Variants in ACAP2 observed in about 807,000 individuals in gnomAD.
ACAP2 encodes the protein ArfGAP with coiled-coil, ankyrin repeat and PH domains 2.
A neutral mutation model predicts 115.8 loss-of-function variants in ACAP2; 39 were observed. That is an observed-to-expected ratio of 0.34 (90% confidence interval 0.26 to 0.44). The LOEUF is 0.44. Ranked by LOEUF, ACAP2 falls within the 20% of genes least tolerant of loss-of-function variation. The probability of loss-of-function intolerance (pLI) is 1.00; values close to 1 mark genes in which losing one functional copy is unlikely to be tolerated. For synonymous variants in ACAP2, 289 were observed against 315.8 expected (o/e 0.92, Z 0.90); for missense variants, 662 against 927.6 (o/e 0.71, Z 3.72).
chr3:195,356,258 A>G, intron 4 of ACAP2: 2 of 452,176 alleles, frequency 4.4e-6, no homozygotes, highest in South Asian at 1.6e-5. Flanking sequence ...GGCAGAACTC[A>G]GCCAATGCCA....
chr3:195,383,481 A>G (rs1734082788), intron 2 of ACAP2, among the ~76,000 whole-genome samples: 1 of 152,132 alleles, frequency 6.6e-6, no homozygotes, highest in Non-Finnish European at 1.5e-5. Flanking sequence ...GGATAAAAAA[A>G]GAAATTAAAT....
intron 1 of ACAP2, among the ~76,000 whole-genome samples, chr3:195,420,699 G>A (rs1055877473): frequency 1.3e-5 from 2 of 151,936 alleles, no homozygotes; most frequent in Non-Finnish European, 2.9e-5. Context: ...CTGGAGTGCA[G>A]TGGCGCCATC....
At chr3:195,405,984 A>G (rs149443209) in intron 1 of ACAP2, among the ~76,000 whole-genome samples, 1 of 152,288 alleles carries the variant, frequency 6.6e-6, no homozygotes, top group Non-Finnish European at 1.5e-5. Flanking sequence ...CCATGATCCA[A>G]TCACCCCCAC....
chr3:195,315,852 C>A (rs1226146322), intron 10 of ACAP2, among the ~76,000 whole-genome samples: 1 of 152,114 alleles, frequency 6.6e-6, no homozygotes, highest in African/African-American at 2.4e-5. Context: ...ATTTTAATAT[C>A]TATGCCAATG....
At chr3:195,365,437 T>C (rs1431569023) in intron 4 of ACAP2, among the ~76,000 whole-genome samples, 1 of 152,182 alleles carries the variant, frequency 6.6e-6, no homozygotes, top group Admixed American at 6.5e-5. Context: ...TTGCTAATAT[T>C]GTTTTAAAGA....
At position 195,303,799 on chromosome 3, in the gene ACAP2, C is replaced by T. The variant is rs1256592863; in HGVS notation, c.1117-1625G>A. Among the ~76,000 whole-genome samples, 5 of 151,944 alleles carry T rather than the reference C, an allele frequency of 3.3e-5. 1 individual carries two copies. Among genetic ancestry groups the T allele is most frequent in the South Asian group, 4.1e-4 (2 of 4,820 alleles). Reference sequence around the variant, plus strand: ...CATCCTGCTACATGGCCATAATGACCGAATACAAAGATGTGGTACTTAGAT... The same window carrying T: ...CATCCTGCTACATGGCCATAATGACTGAATACAAAGATGTGGTACTTAGAT... On this transcript the variant is annotated intron_variant, in intron 13 of 22. Coordinates refer to ENST00000326793, the MANE Select transcript of ACAP2 (RefSeq NM_012287.6).
intron 4 of ACAP2, among the ~76,000 whole-genome samples, chr3:195,378,289 G>A (rs1733703624): frequency 2.0e-5 from 3 of 151,636 alleles, no homozygotes; most frequent in South Asian, 2.1e-4. Context: ...TCAAGAGATC[G>A]AGACCATCCT....
chr3:195,279,449 A>G, intron 22 of ACAP2, 21 bp from the exon 23 acceptor site: 1 of 1,431,150 alleles, frequency 7.0e-7, no homozygotes, highest in Non-Finnish European at 9.6e-7. Flanking sequence ...TAAAATAAAG[A>G]CACTTTAAAC....
At chr3:195,382,055 A>G (rs1281646046) in intron 2 of ACAP2, 33 bp from the exon 3 acceptor site, 2 of 1,591,714 alleles carry the variant, frequency 1.3e-6, no homozygotes, top group South Asian at 2.3e-5. Context: ...ATCAGGTTGA[A>G]GATAGTTTTA....
At position 195,427,077 on chromosome 3, in the gene ACAP2, C is replaced by T. The variant is rs544445734; in HGVS notation, c.53+15718G>A. ...CTGGAATGTCAGCCCAACATTATCA[C>T]AAGGGTCCTTATCAGTAAAAGAGGA... On this transcript the variant is annotated intron_variant, in intron 1 of 22. Coordinates refer to ENST00000326793, the MANE Select transcript of ACAP2 (RefSeq NM_012287.6). Among the ~76,000 whole-genome samples, 43 of 152,180 alleles carry T rather than the reference C, an allele frequency of 2.8e-4. 1 individual carries two copies. The highest frequency in any genetic ancestry group is 1.0e-3 in the African/African-American group (43 of 41,522).
chr3:195,437,679 G>A (rs1715648542), intron 1 of ACAP2, among the ~76,000 whole-genome samples: 1 of 151,696 alleles, frequency 6.6e-6, no homozygotes, highest in Non-Finnish European at 1.5e-5. Context: ...GCCAGGTGTG[G>A]TGGCAGGCGC....
At chr3:195,377,136 A>ATTTTTTTTTTTTTT (rs1478091442) in intron 4 of ACAP2, among the ~76,000 whole-genome samples, 12 of 89,706 alleles carry the variant, frequency 1.3e-4, no homozygotes, top group East Asian at 1.3e-3. Flanking sequence ...AGGAATGTAA[A>ATTTTTTTTTTTTTT]TCTTTTTTTT....
At position 195,276,083 on chromosome 3, in the gene ACAP2, TA is replaced by T. The variant is rs1264600668; in HGVS notation, c.*3244del. 3 of 152,804 alleles carry T rather than the reference TA, an allele frequency of 2.0e-5. No homozygotes were observed. The highest frequency in any genetic ancestry group is 7.2e-5 in the African/African-American group (3 of 41,590). The allele number at this position is 152,804 out of a possible 1,614,324, so 9.5% of individuals were successfully genotyped here. On this transcript the variant is annotated 3_prime_UTR_variant, in exon 23 of 23. Coordinates refer to ENST00000326793, the MANE Select transcript of ACAP2 (RefSeq NM_012287.6). ...TGGGAATGTCTGTTCAAAACGGTAGTAAATTTAGTCTTAAACACAATTTCAT... is the reference window on the plus strand; with the variant it reads ...TGGGAATGTCTGTTCAAAACGGTAGTAATTTAGTCTTAAACACAATTTCAT...
At chr3:195,382,166 G>A (rs1733987799) in intron 2 of ACAP2, 144 bp from the exon 3 acceptor site, 6 of 772,012 alleles carry the variant, frequency 7.8e-6, no homozygotes, top group Non-Finnish European at 1.2e-5. Flanking sequence ...TAATTGAAAA[G>A]TATTCTTTTT....
chr3:195,394,923 T>TC (rs1184335567), intron 1 of ACAP2, among the ~76,000 whole-genome samples: 9 of 150,626 alleles, frequency 6.0e-5, no homozygotes, highest in Admixed American at 4.6e-4. Context: ...ATCTCTTTTT[T>TC]TTTTTTTTTT....
At position 195,342,582 on chromosome 3, in the gene ACAP2, T is replaced by A. The variant is rs1328063592; in HGVS notation, c.417A>T (p.Val139=). 1 of 1,612,716 alleles carries A rather than the reference T, an allele frequency of 6.2e-7. No individual in the cohort carries two copies. The highest frequency in any genetic ancestry group is 1.1e-5 in the South Asian group (1 of 90,570). ...TGTTTCTTTGTACTTGGGCATTTTTTACTAACGCATTTTCTTTTTCTTCAC... is the reference window on the plus strand; with the variant it reads ...TGTTTCTTTGTACTTGGGCATTTTTAACTAACGCATTTTCTTTTTCTTCAC... ...KVSEEKENAL[V]KNAQVQRNKQ... is the part of the protein sequence containing the mutation. The change falls in exon 6 of 23, where the codon GTA becomes GTT. Residue 139 remains valine (V), a synonymous_variant. Transcript: ENST00000326793.
chr3:195,400,507 T>TA (rs200223859), intron 1 of ACAP2, among the ~76,000 whole-genome samples: 4,787 of 140,916 alleles, frequency 0.034, 193 homozygotes, highest in African/African-American at 0.1. Flanking sequence ...CTTTTTCCCT[T>TA]AAAAAAAAAA....
chr3:195,407,986 T>C (rs1712933037), intron 1 of ACAP2, among the ~76,000 whole-genome samples: 1 of 151,956 alleles, frequency 6.6e-6, no homozygotes, highest in Non-Finnish European at 1.5e-5. Flanking sequence ...TATTACCAAT[T>C]CCAGAGAAAT....
At chr3:195,332,490 A>G (rs183325114) in intron 8 of ACAP2, among the ~76,000 whole-genome samples, 28 of 152,282 alleles carry the variant, frequency 1.8e-4, no homozygotes, top group Admixed American at 1.4e-3. Context: ...AAACGCAAAC[A>G]TTTGAGTATT....
Sources: allele counts gnomAD v4.1 joint callset (sites outside exome capture counted in the v4.1 genomes callset), GRCh38; gene constraint gnomAD v4.1.1; transcripts MANE v1.5; gene names NCBI Gene and HGNC (gene_info 2026-07-23, HGNC 2026-07-21).